Variants in SYNE1 observed in about 807,000 individuals in gnomAD.
SYNE1 encodes spectrin repeat containing nuclear envelope protein 1.
SYNE1 carries 616 observed loss-of-function variants against 1,111.0 expected under a neutral mutation model. The observed-to-expected ratio is 0.55, with a 90% CI of 0.52 to 0.59. The LOEUF (loss-of-function observed/expected upper bound fraction) is 0.59. Among genes scored for constraint, SYNE1 ranks in the 20% least tolerant of loss-of-function variants. The pLI is 0.00. For synonymous variants in SYNE1, 3,855 were observed against 3,825.8 expected, an observed-to-expected ratio of 1.01 and a Z score of -0.28; for missense variants, 10,006 against 10,417.0, an observed-to-expected ratio of 0.96 and a Z score of 1.72.
intron 91 of SYNE1, among the ~76,000 whole-genome samples, chr6:152,304,620 G>T (rs563493836): frequency 6.6e-6 from 1 of 152,080 alleles, no homozygotes; most frequent in Non-Finnish European, 1.5e-5. Flanking sequence ...CACCATGCCC[G>T]GCAATTTGAG....
intron 3 of SYNE1, among the ~76,000 whole-genome samples, chr6:152,551,641 C>A (rs1437854936): frequency 6.6e-6 from 1 of 152,140 alleles, no homozygotes; most frequent in African/African-American, 2.4e-5. Context: ...TAAAAAATAT[C>A]ACTTCTACAT....
Position 152,193,738 on chromosome 6 carries a change from G to A in SYNE1, c.23146-4331C>T, listed in dbSNP as rs34988771. On this transcript the variant is annotated intron_variant, in intron 127 of 145. Coordinates refer to ENST00000367255, the MANE Select transcript of SYNE1 (RefSeq NM_182961.4). ...AAGGTATAGTTTATACAGGCCAGGC[G>A]CGGTAGCTCACGCCTGTAATCCCAG... 8.1e-3 allele frequency among the ~76,000 whole-genome samples: 1,225 copies of A among 152,076 alleles called. 14 individuals are homozygous for A. The highest frequency in any genetic ancestry group is 0.028 in the African/African-American group (1,167 of 41,484).
chr6:152,486,688 A>G (rs9322372), intron 12 of SYNE1, among the ~76,000 whole-genome samples: 46,379 of 152,124 alleles, frequency 0.3, 8,702 homozygotes, highest in African/African-American at 0.52. Context: ...AAAAAAGCTT[A>G]CACTGAATTT....
At chr6:152,394,001 G>A (rs2200844) in intron 51 of SYNE1, among the ~76,000 whole-genome samples, 5,523 of 152,058 alleles carry the variant, frequency 0.036, 333 homozygotes, top group East Asian at 0.31. Flanking sequence ...GACAGGTCCC[G>A]TTGTGTGATG....
intron 32 of SYNE1, 88 bp from the exon 33 acceptor site, chr6:152,436,189 G>A: frequency 1.5e-6 from 2 of 1,350,478 alleles, no homozygotes; most frequent in Admixed American, 2.0e-5. Flanking sequence ...ATACAGAACA[G>A]ATGGGTGGAT....
chr6:152,262,528 G>A (rs779315523), intron 100 of SYNE1, among the ~76,000 whole-genome samples: 3 of 152,174 alleles, frequency 2.0e-5, no homozygotes, highest in African/African-American at 4.8e-5. Context: ...TGTTAGTCTA[G>A]GGAGAGTTAC....
At chr6:152,261,465 C>A (rs2091978506) in intron 101 of SYNE1, among the ~76,000 whole-genome samples, 1 of 152,172 alleles carries the variant, frequency 6.6e-6, no homozygotes, top group Admixed American at 6.5e-5. Context: ...CCTGGTGGAA[C>A]CAAGCCCGAC....
intron 6 of SYNE1, chr6:152,511,607 A>G (rs2099085340): frequency 4.3e-6 from 7 of 1,611,644 alleles, no homozygotes; most frequent in Non-Finnish European, 5.9e-6. Flanking sequence ...ATGAAAAACA[A>G]AGGGAGAAGA....
intron 3 of SYNE1, among the ~76,000 whole-genome samples, chr6:152,614,220 T>A (rs2099639839): frequency 6.6e-6 from 1 of 151,890 alleles, no homozygotes; most frequent in Non-Finnish European, 1.5e-5. Flanking sequence ...TGGGAGAAAA[T>A]TTTTGCAATC....
At chr6:152,547,575 G>A (rs976998435) in intron 3 of SYNE1, among the ~76,000 whole-genome samples, 1 of 152,110 alleles carries the variant, frequency 6.6e-6, no homozygotes, top group Non-Finnish European at 1.5e-5. Context: ...ACAAGGCAGA[G>A]GAAACACAGA....
intron 73 of SYNE1, 115 bp downstream of exon 73, chr6:152,346,944 C>T: frequency 1.6e-6 from 2 of 1,276,432 alleles, no homozygotes; most frequent in Non-Finnish European, 1.1e-6. Context: ...TGTCTGGCAA[C>T]ACACCAAAAC....
chr6:152,368,130 A>G (rs909899488), intron 61 of SYNE1: 8 of 152,708 alleles, frequency 5.2e-5, no homozygotes, highest in Admixed American at 3.3e-4. Context: ...TGAAGACCCA[A>G]ATGAGCAGAC....
intron 128 of SYNE1, among the ~76,000 whole-genome samples, chr6:152,180,535 C>T (rs769875398): frequency 3.3e-5 from 5 of 150,904 alleles, no homozygotes; most frequent in Non-Finnish European, 7.4e-5. Context: ...CAACTTCACA[C>T]AATTGGTTCA....
intron 32 of SYNE1, among the ~76,000 whole-genome samples, chr6:152,440,567 A>ATTTTTTTTTT (rs10700163): frequency 8.1e-6 from 1 of 122,728 alleles, no homozygotes; most frequent in African/African-American, 3.3e-5. Flanking sequence ...TTGCCTCCAG[A>ATTTTTTTTTT]TTTTTTTTTT....
chr6:152,288,816 G>A (rs2094452125), intron 95 of SYNE1, among the ~76,000 whole-genome samples: 1 of 152,206 alleles, frequency 6.6e-6, no homozygotes, highest in Non-Finnish European at 1.5e-5. Flanking sequence ...AAAGTGCTGG[G>A]ATTACAGGTG....
At chr6:152,270,470 A>G (rs1417551565) in intron 98 of SYNE1, among the ~76,000 whole-genome samples, 1 of 152,312 alleles carries the variant, frequency 6.6e-6, no homozygotes, top group East Asian at 1.9e-4. Context: ...GAGAAAGACC[A>G]AAGTAATGAC....
rs917837179 is a variant in SYNE1 at position 152,396,961 on chromosome 6, C to T, written c.7370G>A (p.Ser2457Asn). ...TGCATCAAGTTTGCTCTGCCCATCACTGACTGAGTCCAAAATGTTCTGTTT... is the reference window on the plus strand; with the variant it reads ...TGCATCAAGTTTGCTCTGCCCATCATTGACTGAGTCCAAAATGTTCTGTTT... ...HDLQNILDSVSDGQSKLDAVT... is the reference protein window; with the variant it reads ...HDLQNILDSVNDGQSKLDAVT... The change falls in exon 50 of 146, where the codon AGT (serine) becomes AAT (asparagine). Residue 2457 changes from serine to asparagine, a missense_variant. This residue lies in a region of SYNE1 where 4,955 missense variants were observed against 5,017.2 expected (regional missense o/e 0.99). Coordinates refer to ENST00000367255, the MANE Select transcript of SYNE1 (RefSeq NM_182961.4). The T allele has an allele frequency of 1.9e-6, 3 of 1,614,170 alleles. No homozygotes were observed. Among genetic ancestry groups the T allele is most frequent in the Middle Eastern group, 1.6e-4 (1 of 6,062 alleles).
At chr6:152,444,687 G>A (rs536590464) in intron 29 of SYNE1, 109 bp from the exon 30 acceptor site, 129 of 953,500 alleles carry the variant, frequency 1.4e-4, no homozygotes, top group Non-Finnish European at 1.2e-4. Context: ...ACATATTTAA[G>A]GTGTACTACG....
intron 102 of SYNE1, among the ~76,000 whole-genome samples, chr6:152,256,262 T>TA (rs1305848155): frequency 6.8e-6 from 1 of 146,692 alleles, no homozygotes; most frequent in African/African-American, 2.5e-5. Context: ...TCACTAAAAA[T>TA]AAAAAAAATA....
Sources: gnomAD v4.1 joint callset for allele counts (sites outside exome capture counted in the v4.1 genomes callset) on GRCh38, gnomAD v4.1.1 for gene constraint, gnomAD v4.1.1 regional missense constraint, MANE v1.5 for transcripts, NCBI Gene and HGNC (gene_info 2026-07-23, HGNC 2026-07-21) for gene names.